The following TMPRSS11E variants were observed in gnomAD, a reference collection of about 807,000 sequenced individuals.
TMPRSS11E encodes the protein transmembrane serine protease 11E, also known as transmembrane protease serine 11E.
Under a neutral mutation model 48.1 loss-of-function variants are expected in TMPRSS11E, and 38 were observed. The ratio of observed to expected loss-of-function variants is 0.79; its 90% CI spans 0.61 to 1.04. The LOEUF is 1.04. Ranked by LOEUF, TMPRSS11E falls within the 50% of genes least tolerant of loss-of-function variation. The pLI is 0.00. For synonymous variants in TMPRSS11E, 158 were observed against 171.9 expected (o/e 0.92, Z 0.63); for missense variants, 530 against 510.8 (o/e 1.04, Z -0.36).
intron 5 of TMPRSS11E, among the ~76,000 whole-genome samples, chr4:68,474,169 T>C (rs1184219917): frequency 6.6e-6 from 1 of 152,118 alleles, no homozygotes; most frequent in East Asian, 1.9e-4. Context: ...TAAATGACAA[T>C]TTGAGGGCAG....
At chr4:68,447,753 TAGA>T (rs1728380485) in intron 1 of TMPRSS11E, among the ~76,000 whole-genome samples, 1 of 152,068 alleles carries the variant, frequency 6.6e-6, no homozygotes. Context: ...TGTTTACTTT[TAGA>T]AGGTTTCTAC....
At chr4:68,455,973 CCTAT>C (rs1296732160) in intron 1 of TMPRSS11E, among the ~76,000 whole-genome samples, 2 of 151,872 alleles carry the variant, frequency 1.3e-5, no homozygotes, top group African/African-American at 4.8e-5. Flanking sequence ...TTGCAACCCA[CCTAT>C]CTGTATGTAG....
At chr4:68,473,170 G>A (rs981027976) in intron 5 of TMPRSS11E, among the ~76,000 whole-genome samples, 6 of 152,060 alleles carry the variant, frequency 3.9e-5, no homozygotes, top group Non-Finnish European at 7.4e-5. Context: ...GAAGGAAAAG[G>A]AGATCTGGAT....
At chr4:68,468,666 G>T (rs533593965) in intron 3 of TMPRSS11E, among the ~76,000 whole-genome samples, 8 of 152,022 alleles carry the variant, frequency 5.3e-5, no homozygotes, top group Non-Finnish European at 8.8e-5. Context: ...CCCCACTGCG[G>T]TTCCCTACTC....
chr4:68,468,225 C>T (rs912437863), intron 3 of TMPRSS11E, among the ~76,000 whole-genome samples: 5 of 152,090 alleles, frequency 3.3e-5, no homozygotes, highest in Non-Finnish European at 5.9e-5. Context: ...AACAAGACAC[C>T]TTTGAGTGTT....
intron 9 of TMPRSS11E, among the ~76,000 whole-genome samples, chr4:68,485,231 C>T (rs573079723): frequency 2.0e-5 from 3 of 152,272 alleles, no homozygotes; most frequent in Non-Finnish European, 4.4e-5. Flanking sequence ...ACTGCAACCT[C>T]TGTCCCCCAG....
intron 9 of TMPRSS11E, among the ~76,000 whole-genome samples, chr4:68,480,761 C>T (rs1032111547): frequency 1.3e-5 from 2 of 151,900 alleles, no homozygotes; most frequent in African/African-American, 4.8e-5. Flanking sequence ...TTATATCATG[C>T]TTTTAAATTT....
At position 68,469,995 on chromosome 4, in the gene TMPRSS11E, A is replaced by G. The variant is rs143218472; in HGVS notation, c.326+1049A>G. Among the ~76,000 whole-genome samples, 502 of 152,016 alleles carry G rather than the reference A, an allele frequency of 3.3e-3. 3 individuals are homozygous for G. The highest frequency in any genetic ancestry group is 0.012 in the African/African-American group (487 of 41,530). ...TCCAGTAATCTTGCTACTGCTACTC[A>G]TTATTCTGTCTTCTGTTACTGCAAT... is the stretch of plus-strand genomic sequence containing the variant. On this transcript the variant is annotated intron_variant, in intron 4 of 9. Coordinates refer to ENST00000305363, the MANE Select transcript of TMPRSS11E (RefSeq NM_014058.4).
intron 9 of TMPRSS11E, among the ~76,000 whole-genome samples, chr4:68,489,332 C>T (rs1729651050): frequency 6.6e-6 from 1 of 152,110 alleles, no homozygotes; most frequent in Non-Finnish European, 1.5e-5. Flanking sequence ...GGTTAAGTAC[C>T]TCCTGGGTTG....
chr4:68,474,361 G>A (rs1001097866), intron 5 of TMPRSS11E, among the ~76,000 whole-genome samples: 1 of 152,064 alleles, frequency 6.6e-6, no homozygotes, highest in African/African-American at 2.4e-5. Flanking sequence ...TAATACTATG[G>A]TTTAGAGTAG....
intron 6 of TMPRSS11E, 67 bp downstream of exon 6, chr4:68,474,828 A>G (rs1729167301): frequency 7.4e-7 from 1 of 1,353,452 alleles, no homozygotes; most frequent in African/African-American, 1.5e-5. Flanking sequence ...TAGGTCATTT[A>G]GGTTTACTTT....
At chr4:68,478,363 C>G (rs1181836064) in intron 8 of TMPRSS11E, among the ~76,000 whole-genome samples, 1 of 148,294 alleles carries the variant, frequency 6.7e-6, no homozygotes, top group South Asian at 2.2e-4. Flanking sequence ...AGGCTGGTCT[C>G]AAACTCTTGA....
At chr4:68,462,599 A>AC (rs1728823836) in intron 2 of TMPRSS11E, among the ~76,000 whole-genome samples, 1 of 150,308 alleles carries the variant, frequency 6.7e-6, no homozygotes, top group Non-Finnish European at 1.5e-5. Flanking sequence ...AAAAAAAAAA[A>AC]TCCAACTCGT....
chr4:68,486,759 T>G (rs1311930310), intron 9 of TMPRSS11E, among the ~76,000 whole-genome samples: 1 of 152,222 alleles, frequency 6.6e-6, no homozygotes, highest in African/African-American at 2.4e-5. Context: ...TGTATTTATC[T>G]AAGTCTTTTT....
At chr4:68,481,113 T>C (rs1338202622) in intron 9 of TMPRSS11E, among the ~76,000 whole-genome samples, 1 of 152,204 alleles carries the variant, frequency 6.6e-6, no homozygotes, top group Non-Finnish European at 1.5e-5. Flanking sequence ...GCTGCATCCA[T>C]ATTGCTGCAA....
intron 9 of TMPRSS11E, among the ~76,000 whole-genome samples, chr4:68,485,335 TG>T (rs1729522488): frequency 6.6e-6 from 1 of 151,934 alleles, no homozygotes; most frequent in Non-Finnish European, 1.5e-5. Flanking sequence ...TTAGTAGAGA[TG>T]GGGTTTTGCC....
intron 1 of TMPRSS11E, among the ~76,000 whole-genome samples, chr4:68,458,633 T>A (rs1403088290): frequency 6.6e-6 from 1 of 152,170 alleles, no homozygotes; most frequent in Non-Finnish European, 1.5e-5. Flanking sequence ...TTTACTACTT[T>A]CTTTGAGCAT....
intron 9 of TMPRSS11E, among the ~76,000 whole-genome samples, chr4:68,487,814 G>A (rs970536431): frequency 7.9e-5 from 12 of 151,742 alleles, no homozygotes; most frequent in African/African-American, 1.9e-4. Flanking sequence ...GCTAATGGGC[G>A]CCTGTAATCC....
At chr4:68,488,696 G>GCCCC (rs201375786) in intron 9 of TMPRSS11E, among the ~76,000 whole-genome samples, 1 of 151,686 alleles carries the variant, frequency 6.6e-6, no homozygotes, top group African/African-American at 2.4e-5. Context: ...CCGCCACCAT[G>GCCCC]CCCGGCTAAT....
Sources: gnomAD v4.1 joint callset for allele counts (sites outside exome capture counted in the v4.1 genomes callset) on GRCh38, gnomAD v4.1.1 for gene constraint, MANE v1.5 for transcripts, NCBI Gene and HGNC (gene_info 2026-07-23, HGNC 2026-07-21) for gene names.